RFX3: variants seen among roughly 807,000 people sequenced by gnomAD.
RFX3 encodes the protein transcription factor RFX3.
RFX3 carries 14 observed loss-of-function variants against 98.6 expected under a neutral mutation model. The ratio of observed to expected loss-of-function variants is 0.14; its 90% CI spans 0.09 to 0.22. The LOEUF is 0.22. RFX3 is among the 10% of genes least tolerant of loss of function. The pLI, the probability that RFX3 is intolerant of heterozygous loss-of-function variation, is 1.00. For synonymous variants in RFX3, 383 were observed against 328.4 expected (o/e 1.17, Z -1.80); for missense variants, 639 against 926.9 (o/e 0.69, Z 4.03).
At chr9:3,410,199 G>GTGTGTGTA (rs1842343177) in intron 1 of RFX3, among the ~76,000 whole-genome samples, 2 of 151,420 alleles carry the variant, frequency 1.3e-5, no homozygotes, top group Non-Finnish European at 3.0e-5. Flanking sequence ...GTGTGTGTGT[G>GTGTGTGTA]TGTGTGTGTG....
intron 1 of RFX3, among the ~76,000 whole-genome samples, chr9:3,455,441 T>C (rs1433015671): frequency 6.6e-6 from 1 of 152,232 alleles, no homozygotes; most frequent in Non-Finnish European, 1.5e-5. Flanking sequence ...ACTGTATACT[T>C]CTACTTCATT....
intron 2 of RFX3, among the ~76,000 whole-genome samples, chr9:3,347,222 G>A (rs1231945791): frequency 6.6e-6 from 1 of 152,068 alleles, no homozygotes; most frequent in Non-Finnish European, 1.5e-5. Flanking sequence ...TTGGGAGGCT[G>A]AGGCAGGAGA....
intron 1 of RFX3, among the ~76,000 whole-genome samples, chr9:3,401,805 G>A (rs1207838156): frequency 1.3e-5 from 2 of 152,146 alleles, no homozygotes; most frequent in African/African-American, 2.4e-5. Flanking sequence ...TGTACAGCCA[G>A]CTCTGGCTGA....
At chr9:3,260,326 G>C (rs1484547964) in intron 13 of RFX3, among the ~76,000 whole-genome samples, 1 of 151,826 alleles carries the variant, frequency 6.6e-6, no homozygotes, top group Non-Finnish European at 1.5e-5. Flanking sequence ...GGCAGGTAGA[G>C]GATAAGTCGT....
At chr9:3,311,181 T>G (rs138135095) in intron 4 of RFX3, among the ~76,000 whole-genome samples, 4 of 152,238 alleles carry the variant, frequency 2.6e-5, no homozygotes, top group South Asian at 2.1e-4. Context: ...AGAAACTTAA[T>G]GAAGAGGATA....
intron 4 of RFX3, among the ~76,000 whole-genome samples, chr9:3,326,489 C>A (rs1383383211): frequency 6.6e-6 from 1 of 152,110 alleles, no homozygotes. Flanking sequence ...TCCTGCCACC[C>A]TCTACCCTCC....
At position 3,330,412 on chromosome 9, in the gene RFX3, G is replaced by C. The variant is rs779979695; in HGVS notation, c.321C>G (p.Val107=). 15 of 1,614,118 alleles carry C rather than the reference G, an allele frequency of 9.3e-6. No homozygotes were observed. The highest frequency in any genetic ancestry group is 3.3e-4 in the Middle Eastern group (2 of 6,062). ...QGSSAQVTTV[V]SSHSMVGTGG... ...CAGTGCCCACCATACTGTGGGATGA[G>C]ACCACGGTAGTCACCTGGGCGGAAC... is the stretch of plus-strand genomic sequence containing the variant. Residue 107 remains valine (V), a synonymous_variant, in exon 4 of 17, where the codon GTC becomes GTG. Transcript: ENST00000617270.
Position 3,326,320 on chromosome 9 carries a change from T to C in RFX3, c.474+3939A>G, listed in dbSNP as rs540597813. Among the ~76,000 whole-genome samples the C allele has an allele frequency of 4.7e-4, 71 of 152,298 alleles. 1 individual carries two copies. Among genetic ancestry groups the C allele is most frequent in the African/African-American group, 1.7e-3 (69 of 41,560 alleles). On this transcript the variant is annotated intron_variant, in intron 4 of 16. Transcript: ENST00000617270. ...TTTAATTTGTTACCAAATTAACAAA[T>C]GCTGACTTTATAAACTTTTATTTTA...
intron 7 of RFX3, among the ~76,000 whole-genome samples, chr9:3,280,213 A>G (rs961453165): frequency 6.6e-6 from 1 of 151,820 alleles, no homozygotes; most frequent in African/African-American, 2.4e-5. Flanking sequence ...GCCTCCTGGG[A>G]AAAGGTCTAG....
intron 1 of RFX3, among the ~76,000 whole-genome samples, chr9:3,464,151 T>C (rs546044823): frequency 6.6e-6 from 1 of 152,286 alleles, no homozygotes; most frequent in East Asian, 1.9e-4. Flanking sequence ...TAATACCAAG[T>C]GTTGACAAGG....
chr9:3,473,073 C>T (rs1213798203), intron 1 of RFX3, among the ~76,000 whole-genome samples: 3 of 152,138 alleles, frequency 2.0e-5, no homozygotes, highest in Non-Finnish European at 4.4e-5. Context: ...GCAACAGTTT[C>T]GATTCAGCAT....
At chr9:3,488,056 T>C (rs1417818407) in intron 1 of RFX3, among the ~76,000 whole-genome samples, 1 of 152,160 alleles carries the variant, frequency 6.6e-6, no homozygotes, top group Non-Finnish European at 1.5e-5. Flanking sequence ...TAGGCAATAT[T>C]TTAAAATAAA....
At chr9:3,343,247 G>A (rs1486817947) in intron 3 of RFX3, among the ~76,000 whole-genome samples, 2 of 152,172 alleles carry the variant, frequency 1.3e-5, no homozygotes, top group African/African-American at 2.4e-5. Context: ...TACTAAGCAT[G>A]CACAGGTTGT....
intron 2 of RFX3, among the ~76,000 whole-genome samples, chr9:3,380,954 C>T (rs996391187): frequency 2.6e-5 from 4 of 152,060 alleles, no homozygotes; most frequent in African/African-American, 9.7e-5. Flanking sequence ...AGTTTCTCAA[C>T]TTCTCTGATG....
intron 4 of RFX3, among the ~76,000 whole-genome samples, chr9:3,320,552 C>T (rs1225893645): frequency 6.6e-6 from 1 of 150,444 alleles, no homozygotes; most frequent in African/African-American, 2.4e-5. Context: ...ACTGTCCCAC[C>T]CCCTCCATAA....
At chr9:3,374,643 A>G (rs376594465) in intron 2 of RFX3, among the ~76,000 whole-genome samples, 141 of 152,336 alleles carry the variant, frequency 9.3e-4, no homozygotes, top group African/African-American at 3.3e-3. Flanking sequence ...TTCTACTTAT[A>G]TGGCAACTAG....
intron 5 of RFX3, among the ~76,000 whole-genome samples, chr9:3,299,872 C>G (rs1396345110): frequency 1.3e-5 from 2 of 151,634 alleles, no homozygotes; most frequent in Non-Finnish European, 3.0e-5. Flanking sequence ...AGATGAATAA[C>G]TGAAGTTAAA....
At chr9:3,415,559 G>A (rs1349643134) in intron 1 of RFX3, among the ~76,000 whole-genome samples, 1 of 152,154 alleles carries the variant, frequency 6.6e-6, no homozygotes, top group East Asian at 1.9e-4. Flanking sequence ...ATCCCAAGAA[G>A]AGGAAAGCAT....
At chr9:3,419,306 T>C (rs1843246515) in intron 1 of RFX3, among the ~76,000 whole-genome samples, 1 of 152,236 alleles carries the variant, frequency 6.6e-6, no homozygotes, top group South Asian at 2.1e-4. Flanking sequence ...TATAATATCT[T>C]CCAAGTATCA....
Sources: allele counts gnomAD v4.1 joint callset (sites outside exome capture counted in the v4.1 genomes callset), GRCh38; gene constraint gnomAD v4.1.1; transcripts MANE v1.5; gene names NCBI Gene and HGNC (gene_info 2026-07-23, HGNC 2026-07-21).